The following PBX3 variants were observed in gnomAD, a reference collection of about 807,000 sequenced individuals.
The protein encoded by PBX3 is PBX homeobox 3.
In PBX3, 14 loss-of-function variants were observed where a neutral mutation model predicts 48.5. The observed-to-expected ratio is 0.29, with a 90% CI of 0.19 to 0.45. The LOEUF is 0.45. Ranked by LOEUF, PBX3 falls within the 20% of genes least tolerant of loss-of-function variation. PBX3 has a pLI of 1.00. For missense variants in PBX3, 386 were observed against 546.7 expected, an observed-to-expected ratio of 0.71 and a Z score of 2.93; for synonymous variants, 210 against 200.3, an observed-to-expected ratio of 1.05 and a Z score of -0.41.
At chr9:125,922,054 A>G (rs1841468718) in intron 3 of PBX3, among the ~76,000 whole-genome samples, 1 of 152,200 alleles carries the variant, frequency 6.6e-6, no homozygotes, top group African/African-American at 2.4e-5. Flanking sequence ...ACGAGGTTGA[A>G]TCTTGAATCC....
At chr9:125,863,513 A>G (rs899213608) in intron 2 of PBX3, among the ~76,000 whole-genome samples, 1 of 152,162 alleles carries the variant, frequency 6.6e-6, no homozygotes, top group African/African-American at 2.4e-5. Flanking sequence ...TCTGGCCCTG[A>G]CATATGATTT....
At chr9:125,936,821 A>G (rs10987048) in intron 5 of PBX3, among the ~76,000 whole-genome samples, 10,709 of 152,296 alleles carry the variant, frequency 0.07, 871 homozygotes, top group African/African-American at 0.18. Flanking sequence ...ACCAGCTTAC[A>G]TAGACATATA....
At chr9:125,884,987 A>T (rs935761388) in intron 2 of PBX3, among the ~76,000 whole-genome samples, 2 of 152,160 alleles carry the variant, frequency 1.3e-5, no homozygotes, top group Non-Finnish European at 2.9e-5. Context: ...GATAATGTTT[A>T]TCATTCATTT....
chr9:125,938,505 A>C (rs192854208), intron 5 of PBX3, among the ~76,000 whole-genome samples: 3 of 152,318 alleles, frequency 2.0e-5, no homozygotes, highest in Admixed American at 2.0e-4. Context: ...GAGAAATGGG[A>C]CAAAAACTTG....
At chr9:125,787,718 G>T (rs1248173677) in intron 2 of PBX3, among the ~76,000 whole-genome samples, 1 of 152,162 alleles carries the variant, frequency 6.6e-6, no homozygotes, top group Non-Finnish European at 1.5e-5. Flanking sequence ...AAAATGGAGG[G>T]ATTTTAGGAT....
Position 125,875,087 on chromosome 9 carries a change from G to A in PBX3, c.275-40599G>A, listed in dbSNP as rs559727897. On this transcript the variant is annotated intron_variant, in intron 2 of 8. Coordinates refer to ENST00000373489, the MANE Select transcript of PBX3 (RefSeq NM_006195.6). The stretch of plus-strand genomic sequence containing the variant: ...TGCTTCTGGCTATGACTAAAACTCC[G>A]TATCTATCTCCCTGGCCCATGCACT... 5.8e-4 allele frequency among the ~76,000 whole-genome samples: 88 copies of A among 152,214 alleles called. No homozygotes were observed. In the South Asian group the frequency reaches 0.016, roughly 27 times the overall value.
intron 4 of PBX3, among the ~76,000 whole-genome samples, chr9:125,931,267 A>G (rs1841707635): frequency 1.3e-5 from 2 of 152,184 alleles, no homozygotes; most frequent in African/African-American, 4.8e-5. Flanking sequence ...CATTTTAACA[A>G]TTGAAGTTAC....
At chr9:125,937,858 A>G (rs1477288105) in intron 5 of PBX3, among the ~76,000 whole-genome samples, 1 of 151,944 alleles carries the variant, frequency 6.6e-6, no homozygotes, top group Non-Finnish European at 1.5e-5. Context: ...ACAGGGATTC[A>G]CCCTGTTGTC....
chr9:125,912,456 G>A (rs1244409294), intron 2 of PBX3, among the ~76,000 whole-genome samples: 1 of 152,056 alleles, frequency 6.6e-6, no homozygotes, highest in Non-Finnish European at 1.5e-5. Flanking sequence ...ATTATCTGTG[G>A]GGCAGGTGCA....
chr9:125,776,604 T>G (rs181500992), intron 2 of PBX3, among the ~76,000 whole-genome samples: 8 of 152,342 alleles, frequency 5.3e-5, no homozygotes, highest in African/African-American at 1.7e-4. Context: ...GATGCAGTCT[T>G]GGCTCACTGC....
At chr9:125,927,804 T>G (rs983081576) in intron 3 of PBX3, among the ~76,000 whole-genome samples, 1 of 152,158 alleles carries the variant, frequency 6.6e-6, no homozygotes, top group Non-Finnish European at 1.5e-5. Flanking sequence ...CTCAGGAGGC[T>G]GAGGTGGGAG....
intron 2 of PBX3, among the ~76,000 whole-genome samples, chr9:125,802,467 C>T (rs1351644288): frequency 1.3e-5 from 2 of 148,690 alleles, no homozygotes; most frequent in Non-Finnish European, 3.0e-5. Flanking sequence ...TCCCCAGGCT[C>T]AGGTAATTCT....
At chr9:125,842,589 C>A (rs1409091103) in intron 2 of PBX3, among the ~76,000 whole-genome samples, 2 of 152,070 alleles carry the variant, frequency 1.3e-5, no homozygotes, top group African/African-American at 4.8e-5. Context: ...TAGGAGAGGA[C>A]TAAGGAGAAA....
chr9:125,826,570 G>A (rs541939233), intron 2 of PBX3, among the ~76,000 whole-genome samples: 1 of 151,958 alleles, frequency 6.6e-6, no homozygotes, highest in East Asian at 1.9e-4. Flanking sequence ...CAGCTTATTG[G>A]GTGATGACAC....
At chr9:125,908,582 A>G (rs1287545324) in intron 2 of PBX3, among the ~76,000 whole-genome samples, 1 of 149,082 alleles carries the variant, frequency 6.7e-6, no homozygotes, top group Non-Finnish European at 1.5e-5. Flanking sequence ...GTGAGATCCC[A>G]GGCATGTGGT....
chr9:125,778,383 G>C (rs1273054822), intron 2 of PBX3, among the ~76,000 whole-genome samples: 2 of 151,530 alleles, frequency 1.3e-5, no homozygotes, highest in African/African-American at 2.4e-5. Flanking sequence ...TCAGCCTCCC[G>C]AATAGCTGGG....
chr9:125,957,075 G>T (rs1357115141), intron 5 of PBX3, among the ~76,000 whole-genome samples: 1 of 152,218 alleles, frequency 6.6e-6, no homozygotes, highest in East Asian at 1.9e-4. Flanking sequence ...CCCCATCTCA[G>T]TTGCAGCAGT....
chr9:125,926,670 AT>A (rs1233504625), intron 3 of PBX3, among the ~76,000 whole-genome samples: 1 of 151,706 alleles, frequency 6.6e-6, no homozygotes, highest in Non-Finnish European at 1.5e-5. Context: ...TACAAAAAAA[AT>A]TACCCGGGCA....
intron 2 of PBX3, among the ~76,000 whole-genome samples, chr9:125,797,191 A>G (rs1265593943): frequency 6.6e-6 from 1 of 152,298 alleles, no homozygotes; most frequent in East Asian, 1.9e-4. Flanking sequence ...GAAATGAAAT[A>G]ATCCATAACA....
Sources: allele counts gnomAD v4.1 joint callset (sites outside exome capture counted in the v4.1 genomes callset), GRCh38; gene constraint gnomAD v4.1.1; transcripts MANE v1.5; gene names NCBI Gene and HGNC (gene_info 2026-07-23, HGNC 2026-07-21).